The following KCNAB2 variants were observed in gnomAD, a reference collection of about 807,000 sequenced individuals.
KCNAB2 encodes potassium voltage-gated channel subfamily A regulatory beta subunit 2.
KCNAB2 carries 29 observed loss-of-function variants against 63.6 expected under a neutral mutation model. That is an observed-to-expected ratio of 0.46 (90% CI 0.34 to 0.62). The LOEUF (loss-of-function observed/expected upper bound fraction) is 0.62. Among genes scored for constraint, KCNAB2 ranks in the 20% least tolerant of loss-of-function variants. The probability of loss-of-function intolerance (pLI) is 0.01; values close to 1 mark genes in which losing one functional copy is unlikely to be tolerated. For synonymous variants in KCNAB2, 222 were observed against 224.2 expected, an observed-to-expected ratio of 0.99 and a Z score of 0.09; for missense variants, 359 against 563.9, an observed-to-expected ratio of 0.64 and a Z score of 3.68.
In KCNAB2 at chr1:6,095,495, C is replaced by A. The variant is rs373616181; in HGVS notation, c.854-35C>A. 9.6e-6 allele frequency: 9 copies of A among 933,364 alleles called. No homozygotes were observed. In the African/African-American group the frequency reaches 1.0e-4, roughly 10 times the overall value. 57.8% of individuals were successfully genotyped at this position (933,364 alleles called of 1,614,324 possible). On this transcript the variant is annotated intron_variant, in intron 12 of 15. Transcript: ENST00000378083. ...GCCCCACCCCACCCCTGCTCTCGGGCCCAGGGCTTGACTCCACCTGCTTTT... is the reference window on the plus strand; with the variant it reads ...GCCCCACCCCACCCCTGCTCTCGGGACCAGGGCTTGACTCCACCTGCTTTT...
rs202106462 is a variant in KCNAB2, at chr1:6,094,377, G to A, written c.647-23G>A. On this transcript the variant is annotated intron_variant, in intron 10 of 15. Transcript: ENST00000378083. ...TGAGCCCTGGCTGCCCCCCACCTGC[G>A]GTTTCCCTTTCTCTCACGACAGAGA... 194 of 1,593,262 alleles carry A rather than the reference G, an allele frequency of 1.2e-4. 2 individuals carry two copies. The highest frequency in any genetic ancestry group is 4.8e-4 in the East Asian group (21 of 44,140).
Position 6,004,750 on chromosome 1 carries a change from C to T in KCNAB2, c.-53+11962C>T, listed in dbSNP as rs114415804. Among the ~76,000 whole-genome samples the T allele has an allele frequency of 4.6e-3, 703 of 152,284 alleles. 3 individuals are homozygous for T. Among genetic ancestry groups the T allele is most frequent in the African/African-American group, 0.016 (660 of 41,548 alleles). ...ACCCTTTTGCCAAATAATTCCACAT[C>T]GACAGGTAACTGGGATTATGACTTG... On this transcript the variant is annotated intron_variant, in intron 1 of 16. Coordinates refer to the KCNAB2 transcript ENST00000341524.
At chr1:6,046,723 A>G (rs1660958993) in intron 1 of KCNAB2, among the ~76,000 whole-genome samples, 1 of 152,128 alleles carries the variant, frequency 6.6e-6, no homozygotes, top group Admixed American at 6.5e-5. Context: ...CGCACCCCGG[A>G]ATGGTAGCAG....
intron 2 of KCNAB2, among the ~76,000 whole-genome samples, chr1:6,054,993 C>A (rs1235734370): frequency 6.6e-6 from 1 of 152,136 alleles, no homozygotes; most frequent in African/African-American, 2.4e-5. Flanking sequence ...CGGGAATTGG[C>A]CTTCAGTTCC....
In KCNAB2 at chr1:6,003,306, G is replaced by A. The variant is rs934370530; in HGVS notation, c.-53+10518G>A. 6.6e-6 allele frequency among the ~76,000 whole-genome samples: 1 copy of A among 152,170 alleles called. No homozygotes were observed. Among genetic ancestry groups the A allele is most frequent in the Non-Finnish European group, 1.5e-5 (1 of 68,022 alleles). ...CCCACCCCTGGAACTTGCTTTCCCT[G>A]CTTCCCACACACAGATCCTCCCCAC... On this transcript the variant is annotated intron_variant, in intron 1 of 16. Transcript: ENST00000341524. This position sits in a 1 kb window ranked among gnomAD's most constrained non-coding sequence, Gnocchi z 4.1.
At chr1:6,043,994 C>T (rs146148579), upstream of KCNAB2, among the ~76,000 whole-genome samples, 649 of 152,352 alleles carry the variant, frequency 4.3e-3, 4 homozygotes, top group African/African-American at 0.015. Flanking sequence ...CCATGCTTAA[C>T]TGGGGCCTAC....
rs1663470642 is a variant in KCNAB2 at position 6,074,188 on chromosome 1, C to T, written c.300+418C>T. Among the ~76,000 whole-genome samples, 1 of 152,218 alleles carries T rather than the reference C, an allele frequency of 6.6e-6. No homozygotes were observed. The highest frequency in any genetic ancestry group is 2.1e-4 in the South Asian group (1 of 4,832). On this transcript the variant is annotated intron_variant, in intron 4 of 15. Transcript: ENST00000378083. The surrounding 1 kb of genome is among the most constrained non-coding windows in gnomAD (Gnocchi z 4.9). ...TCTGTCTTGGTCATTGGGAATGCAG[C>T]CCCTGCAGTGTCACAAGCTGAAGAA... is the stretch of plus-strand genomic sequence containing the variant.
chr1:6,019,374 C>T (rs970825396), intron 1 of KCNAB2, among the ~76,000 whole-genome samples: 3 of 152,180 alleles, frequency 2.0e-5, no homozygotes, highest in Non-Finnish European at 4.4e-5. Context: ...GACAGGCTGG[C>T]GCAGCAGTTT....
chr1:6,018,989 C>T (rs758031320), intron 1 of KCNAB2, among the ~76,000 whole-genome samples: 2 of 152,158 alleles, frequency 1.3e-5, no homozygotes, highest in African/African-American at 4.8e-5. Context: ...GGTTTTCTTT[C>T]GTTTAAAACT....
At chr1:6,052,374 C>G (rs528326025) in intron 2 of KCNAB2, among the ~76,000 whole-genome samples, 1 of 151,746 alleles carries the variant, frequency 6.6e-6, no homozygotes, top group South Asian at 2.1e-4. Context: ...TGCAGTGAGC[C>G]GTGATCGCAC....
chr1:6,097,188 G>A (rs879520870), intron 14 of KCNAB2, 81 bp from the exon 15 acceptor site: 20 of 1,428,270 alleles, frequency 1.4e-5, no homozygotes, highest in African/African-American at 2.9e-5. Context: ...TGGGTCTCTC[G>A]GCCCAGTCAG....
Position 6,071,884 on chromosome 1 carries a change from C to T in KCNAB2, c.219-871C>T, listed in dbSNP as rs548861806. Among the ~76,000 whole-genome samples the T allele has an allele frequency of 4.0e-5, 6 of 150,676 alleles. No homozygotes were observed. Among genetic ancestry groups the T allele is most frequent in the East Asian group, 3.9e-4 (2 of 5,158 alleles). ...CCTGCCGCGTGGGCTCCTCCTGCCG[C>T]GTAGGGCTCCTCCTGCCGCGTAGGG... On this transcript the variant is annotated intron_variant, in intron 2 of 15. Coordinates refer to ENST00000378083, the MANE Select transcript of KCNAB2 (RefSeq NM_001199862.2). The surrounding 1 kb of genome is among the most constrained non-coding windows in gnomAD (Gnocchi z 8.5).
chr1:6,020,341 T>C lies in KCNAB2; in HGVS notation c.-52-20176T>C, dbSNP rs76281774. Among the ~76,000 whole-genome samples the C allele has an allele frequency of 9.2e-5, 14 of 152,262 alleles. No homozygotes were observed. In the East Asian group the frequency reaches 2.7e-3, roughly 29 times the overall value. On this transcript the variant is annotated intron_variant, in intron 1 of 16. Coordinates refer to the KCNAB2 transcript ENST00000341524. Reference sequence around the variant, plus strand: ...GCTGGCTCGGGATCTCGTTCTGTGGTCAGGACCACCTGCTGCAGTACAGCC... The same window carrying C: ...GCTGGCTCGGGATCTCGTTCTGTGGCCAGGACCACCTGCTGCAGTACAGCC...
At chr1:6,029,774 G>A (rs115925555), upstream of KCNAB2, among the ~76,000 whole-genome samples, 1,192 of 152,308 alleles carry the variant, frequency 7.8e-3, 9 homozygotes, top group Middle Eastern at 0.02. Flanking sequence ...GCCCAGATCC[G>A]AACCACTGAG....
At chr1:6,013,418 T>A (rs376014681) in intron 1 of KCNAB2, among the ~76,000 whole-genome samples, 1 of 152,036 alleles carries the variant, frequency 6.6e-6, no homozygotes. Flanking sequence ...GGTAGAGGGA[T>A]CTGAGTCTGC....
At chr1:6,012,103 A>G (rs540957455) in intron 1 of KCNAB2, among the ~76,000 whole-genome samples, 97 of 117,860 alleles carry the variant, frequency 8.2e-4, no homozygotes, top group African/African-American at 3.0e-3. Context: ...GAAAGTAGAG[A>G]TGATGGGTGG....
At position 6,003,436 on chromosome 1, in the gene KCNAB2, A is replaced by G. The variant is rs1458021926; in HGVS notation, c.-53+10648A>G. 6.6e-6 allele frequency among the ~76,000 whole-genome samples: 1 copy of G among 152,164 alleles called. No individual in the cohort carries two copies. Among genetic ancestry groups the G allele is most frequent in the Non-Finnish European group, 1.5e-5 (1 of 68,018 alleles). On this transcript the variant is annotated intron_variant, in intron 1 of 16. Transcript: ENST00000341524. This position sits in a 1 kb window ranked among gnomAD's most constrained non-coding sequence, Gnocchi z 4.1. ...CTTCAGCCCCTGCAGACACGCAGGC[A>G]CCGTCCACCTTCTCCACTCTTAGCG...
chr1:6,098,087 C>T (rs11586626), intron 15 of KCNAB2: 88,420 of 884,650 alleles, frequency 0.1, 4,782 homozygotes, highest in East Asian at 0.19. Flanking sequence ...GGTGAGAAGG[C>T]GAGGTGGAAG....
intron 1 of KCNAB2, among the ~76,000 whole-genome samples, chr1:6,025,051 T>C (rs567073698): frequency 2.2e-3 from 331 of 152,324 alleles, no homozygotes; most frequent in African/African-American, 7.2e-3. Context: ...CATTTTCCCA[T>C]TCGTTCGCCT....
Sources: gnomAD v4.1 joint callset for allele counts (sites outside exome capture counted in the v4.1 genomes callset) on GRCh38, gnomAD v4.1.1 for gene constraint, Gnocchi (gnomAD v3.1) non-coding constraint, MANE v1.5 for transcripts, NCBI Gene and HGNC (gene_info 2026-07-23, HGNC 2026-07-21) for gene names.